PRUNE2: variants seen among roughly 807,000 people sequenced by gnomAD.
PRUNE2 encodes the protein protein prune homolog 2.
A neutral mutation model predicts 252.0 loss-of-function variants in PRUNE2; 164 were observed. That is an observed-to-expected ratio of 0.65 (90% CI 0.57 to 0.74). PRUNE2 has a LOEUF of 0.74. PRUNE2 is among the 30% of genes least tolerant of loss of function. The pLI is 0.00. For missense variants in PRUNE2, 3,495 were observed against 3,711.0 expected (o/e 0.94, Z 1.51); for synonymous variants, 1,292 against 1,350.2 (o/e 0.96, Z 0.94).
chr9:76,836,869 T>C (rs1442580669), intron 4 of PRUNE2, among the ~76,000 whole-genome samples: 2 of 152,170 alleles, frequency 1.3e-5, no homozygotes, highest in African/African-American at 4.8e-5. Flanking sequence ...AGCACGTTAT[T>C]TCTATGCTGG....
chr9:76,677,293 T>A (rs538504742), intron 9 of PRUNE2, among the ~76,000 whole-genome samples: 15 of 152,362 alleles, frequency 9.8e-5, no homozygotes, highest in Admixed American at 8.5e-4. Flanking sequence ...TAAAAAAAAT[T>A]CATTATTTTA....
At chr9:76,829,722 T>C (rs989227777) in intron 4 of PRUNE2, among the ~76,000 whole-genome samples, 1 of 152,166 alleles carries the variant, frequency 6.6e-6, no homozygotes, top group Admixed American at 6.5e-5. Flanking sequence ...CTGATTTGAA[T>C]TGGCTTAAGC....
At chr9:76,670,233 C>A (rs942901821) in intron 9 of PRUNE2, among the ~76,000 whole-genome samples, 2 of 152,100 alleles carry the variant, frequency 1.3e-5, no homozygotes, top group Non-Finnish European at 2.9e-5. Flanking sequence ...GCATTGCCTC[C>A]CTTGGGAAGC....
At position 76,713,720 on chromosome 9, in the gene PRUNE2, T is replaced by A. The variant is rs1257362888; in HGVS notation, c.758A>T (p.Asn253Ile). The change falls in exon 7 of 19, where the codon AAT becomes ATT. Residue 253 changes from asparagine (N) to isoleucine (I), a missense_variant and splice_region_variant. Physicochemically the swap from Asn to Ile is moderately radical, Grantham distance 149. Coordinates refer to ENST00000376718, the MANE Select transcript of PRUNE2 (RefSeq NM_015225.3). ...GGTAATATTGCTGTGAAATAGACAA[T>A]TCTGAAACGACAACAGGAAATTTGA... ...AISTVSMNLE[N>I]CLFHSNITSD... 1 of 1,587,418 alleles carries A rather than the reference T, an allele frequency of 6.3e-7. No homozygotes were observed. The highest frequency in any genetic ancestry group is 2.3e-5 in the East Asian group (1 of 44,358).
chr9:76,899,191 G>C (rs576819037), intron 1 of PRUNE2, among the ~76,000 whole-genome samples: 3 of 152,346 alleles, frequency 2.0e-5, no homozygotes, highest in African/African-American at 7.2e-5. Flanking sequence ...ACATGGAGGA[G>C]AACCTACGGT....
At chr9:76,623,848 T>C (rs546158902) in intron 17 of PRUNE2, among the ~76,000 whole-genome samples, 1 of 152,374 alleles carries the variant, frequency 6.6e-6, no homozygotes, top group Non-Finnish European at 1.5e-5. Flanking sequence ...AAATAATTAG[T>C]TGAATAAAAT....
chr9:76,720,559 A>G (rs2047544798), intron 6 of PRUNE2, among the ~76,000 whole-genome samples: 1 of 152,220 alleles, frequency 6.6e-6, no homozygotes, highest in African/African-American at 2.4e-5. Context: ...AGTGCCTGAC[A>G]TATAGTAGAC....
rs144866403 is a variant in PRUNE2 at position 76,715,052 on chromosome 9, C to G, written c.757-1331G>C. Among the ~76,000 whole-genome samples, 15 of 152,246 alleles carry G rather than the reference C, an allele frequency of 9.9e-5. No homozygotes were observed. In the East Asian group the frequency reaches 2.5e-3, roughly 25 times the overall value. On this transcript the variant is annotated intron_variant, in intron 6 of 18. Coordinates refer to ENST00000376718, the MANE Select transcript of PRUNE2 (RefSeq NM_015225.3). The stretch of plus-strand genomic sequence containing the variant: ...CATTTTTTCTGATTATAATAGCAAT[C>G]AGAATTATGCCTGTCATGGGTAAGA...
At chr9:76,738,432 G>A (rs531091643) in intron 6 of PRUNE2, 6 of 152,280 alleles carry the variant, frequency 3.9e-5, no homozygotes, top group South Asian at 2.1e-4. Flanking sequence ...TCCTCGCCTC[G>A]AGGATTTGTG....
In PRUNE2 at chr9:76,710,772, A is replaced by G. The variant is rs2046665241; in HGVS notation, c.1502T>C (p.Met501Thr). ...AGATTGCTGGGACTGCCCAGAAGCC[A>G]TGGGTGCTGGGTCAAAATTGAAGAG... ...FDLFNFDPAP[M>T]ASGQSQQSSH... The change falls in exon 8 of 19, where the codon ATG (methionine) becomes ACG (threonine). Residue 501 changes from methionine to threonine, a missense_variant. Physicochemically the swap from Met to Thr is moderately conservative, Grantham distance 81. Transcript: ENST00000376718. 1.9e-6 allele frequency: 3 copies of G among 1,603,638 alleles called. No homozygotes were observed. Among genetic ancestry groups the G allele is most frequent in the African/African-American group, 1.3e-5 (1 of 74,578 alleles).
At position 76,709,657 on chromosome 9, in the gene PRUNE2, T is replaced by C. The variant is rs2134973863; in HGVS notation, c.2617A>G (p.Arg873Gly). ...TTTCCAGGTGCAAAGATGTGATCCCTGGAGTCATTGTTTTTCTTGCCCCAG... is the reference window on the plus strand; with the variant it reads ...TTTCCAGGTGCAAAGATGTGATCCCCGGAGTCATTGTTTTTCTTGCCCCAG... ...EIWGKKNNDS[R>G]DHIFAPGNPS... is the part of the protein sequence containing the mutation. Residue 873 changes from arginine (R) to glycine (G), a missense_variant, in exon 8 of 19, where the codon AGG becomes GGG. Arg to Gly is a moderately radical substitution (Grantham distance 125, BLOSUM62 -2). Coordinates refer to ENST00000376718, the MANE Select transcript of PRUNE2 (RefSeq NM_015225.3). 4 of 1,614,038 alleles carry C rather than the reference T, an allele frequency of 2.5e-6. No individual in the cohort carries two copies. Among genetic ancestry groups the C allele is most frequent in the Middle Eastern group, 1.6e-4 (1 of 6,062 alleles).
chr9:76,710,370 G>A lies in PRUNE2; in HGVS notation c.1904C>T (p.Thr635Ile). Reference protein sequence around the residue: ...EPASLYTEDMTQKATDTGHMG... With the variant: ...EPASLYTEDMIQKATDTGHMG... ...GTGACCTGTGTCAGTTGCTTTTTGG[G>A]TCATATCTTCTGTATAGAGTGAGGC... is the stretch of plus-strand genomic sequence containing the variant. Residue 635 changes from threonine to isoleucine, a missense_variant, in exon 8 of 19, where the codon ACC (threonine) becomes ATC (isoleucine). Physicochemically the swap from Thr to Ile is moderately conservative, Grantham distance 89. Transcript: ENST00000376718. The A allele has an allele frequency of 1.2e-6, 2 of 1,613,998 alleles. No individual in the cohort carries two copies. Among genetic ancestry groups the A allele is most frequent in the Non-Finnish European group, 1.7e-6 (2 of 1,179,890 alleles).
intron 6 of PRUNE2, among the ~76,000 whole-genome samples, chr9:76,726,207 T>G (rs943782858): frequency 1.3e-5 from 2 of 152,198 alleles, no homozygotes; most frequent in African/African-American, 4.8e-5. Flanking sequence ...TGTTCCCACT[T>G]GGGTTCGGTG....
intron 6 of PRUNE2, chr9:76,788,247 T>C (rs1204390806): frequency 3.7e-6 from 2 of 544,274 alleles, no homozygotes; most frequent in East Asian, 6.0e-5. Flanking sequence ...CAAAACACCA[T>C]CAAGCAACCA....
chr9:76,837,001 C>T (rs1295954760), intron 4 of PRUNE2, among the ~76,000 whole-genome samples: 2 of 152,124 alleles, frequency 1.3e-5, no homozygotes, highest in African/African-American at 4.8e-5. Flanking sequence ...TGATATGTAG[C>T]TACAGCTGTG....
chr9:76,815,274 T>A (rs909830949), intron 6 of PRUNE2, among the ~76,000 whole-genome samples: 1 of 152,216 alleles, frequency 6.6e-6, no homozygotes, highest in East Asian at 1.9e-4. Flanking sequence ...TGGCTAAACC[T>A]TGGATCCCTG....
intron 11 of PRUNE2, chr9:76,645,115 A>G (rs770051732): frequency 4.9e-5 from 24 of 487,476 alleles, no homozygotes; most frequent in African/African-American, 2.7e-4. Flanking sequence ...AGTACACTCA[A>G]TGAAGTCTTC....
intron 6 of PRUNE2, among the ~76,000 whole-genome samples, chr9:76,757,501 A>G (rs1222721831): frequency 6.6e-6 from 1 of 152,234 alleles, no homozygotes; most frequent in African/African-American, 2.4e-5. Flanking sequence ...AAACTAAAGC[A>G]TCTATAAACC....
chr9:76,704,776 T>C lies in PRUNE2; in HGVS notation c.7498A>G (p.Ile2500Val), dbSNP rs1389271776. 2.6e-6 allele frequency: 4 copies of C among 1,558,686 alleles called. No homozygotes were observed. Among genetic ancestry groups the C allele is most frequent in the Non-Finnish European group, 3.5e-6 (4 of 1,149,634 alleles). Reference protein sequence around the residue: ...DNSDLPAGGDIGPPNGASKEI... With the variant: ...DNSDLPAGGDVGPPNGASKEI... ...TGTTTCTTACCATTTGGTGGTCCTATGTCTCCACCTGCTGGTAAATCAGAA... is the reference window on the plus strand; with the variant it reads ...TGTTTCTTACCATTTGGTGGTCCTACGTCTCCACCTGCTGGTAAATCAGAA... Residue 2500 changes from isoleucine to valine, a missense_variant, in exon 8 of 19, where the codon ATA becomes GTA. Coordinates refer to ENST00000376718, the MANE Select transcript of PRUNE2 (RefSeq NM_015225.3).
Sources: gnomAD v4.1 joint callset for allele counts (sites outside exome capture counted in the v4.1 genomes callset) on GRCh38, gnomAD v4.1.1 for gene constraint, MANE v1.5 for transcripts, NCBI Gene and HGNC (gene_info 2026-07-23, HGNC 2026-07-21) for gene names.